ZNF839: variants seen among roughly 807,000 people sequenced by gnomAD.
The protein encoded by ZNF839 is zinc finger protein 839.
In ZNF839, 38 loss-of-function variants were observed where a neutral mutation model predicts 56.4. The ratio of observed to expected loss-of-function variants is 0.67; its 90% CI spans 0.52 to 0.88. The LOEUF (loss-of-function observed/expected upper bound fraction) is 0.88, where lower values mean the gene tolerates loss of function less well. Ranked by LOEUF, ZNF839 falls within the 40% of genes least tolerant of loss-of-function variation. The pLI, the probability that ZNF839 is intolerant of heterozygous loss-of-function variation, is 0.00. For synonymous variants in ZNF839, 486 were observed against 493.5 expected (o/e 0.98, Z 0.20); for missense variants, 1,091 against 1,177.6 (o/e 0.93, Z 1.08).
chr14:102,326,104 G>T lies in ZNF839; in HGVS notation c.408G>T (p.Gly136=), dbSNP rs758853106. The T allele has an allele frequency of 9.9e-6, 16 of 1,613,834 alleles. No individual in the cohort carries two copies. ...QTARKSQLPR[G]NSCLVGLHIA... ...CAAGAAAGAGCCAGCTGCCCCGGGG[G>T]AATTCCTGCCTGGTGGGGCTCCATA... Residue 136 remains glycine, a synonymous_variant, in exon 2 of 8, where the codon GGG becomes GGT. Coordinates refer to ENST00000442396, the MANE Select transcript of ZNF839 (RefSeq NM_018335.6). The surrounding 1 kb of genome is among the most constrained non-coding windows in gnomAD (Gnocchi z 4.3).
chr14:102,339,054 A>G (rs576050553), intron 6 of ZNF839, 40 bp from the exon 7 acceptor site: 14 of 1,613,386 alleles, frequency 8.7e-6, no homozygotes, highest in South Asian at 2.2e-5. Context: ...CGGTTTGCCT[A>G]TTCCTTCCTA....
rs1469962879 is a variant in ZNF839 at position 102,335,668 on chromosome 14, T to C, written c.1510-21T>C. ...AGTGCCTTGAGTTTAAACTTTTTTT[T>C]TGGTCTTTATCTTCACGAAGGTTGA... is the stretch of plus-strand genomic sequence containing the variant. On this transcript the variant is annotated intron_variant, in intron 4 of 7. Coordinates refer to ENST00000442396, the MANE Select transcript of ZNF839 (RefSeq NM_018335.6). 6 of 1,566,814 alleles carry C rather than the reference T, an allele frequency of 3.8e-6. No homozygotes were observed. The South Asian group carries it at 5.9e-5, about 15-fold the overall frequency.
At chr14:102,324,914 C>T (rs2073328384) in intron 1 of ZNF839, among the ~76,000 whole-genome samples, 1 of 152,076 alleles carries the variant, frequency 6.6e-6, no homozygotes, top group South Asian at 2.1e-4. Context: ...AGTGTCGCTC[C>T]ACTCCAGCCT....
chr14:102,336,677 C>G (rs1440376733), intron 5 of ZNF839: 1 of 426,412 alleles, frequency 2.3e-6, no homozygotes, highest in African/African-American at 2.1e-5. Flanking sequence ...ATGGAAAACA[C>G]CATAATCTTC....
chr14:102,338,543 A>G (rs1437861998), intron 5 of ZNF839, among the ~76,000 whole-genome samples: 1 of 148,070 alleles, frequency 6.8e-6, no homozygotes, highest in African/African-American at 2.6e-5. Flanking sequence ...GTCTCAGAAA[A>G]AAAAAAAAAA....
Position 102,331,668 on chromosome 14 carries a change from A to T in ZNF839, c.1238A>T (p.Glu413Val), listed in dbSNP as rs1420069526. 1 of 1,612,908 alleles carries T rather than the reference A, an allele frequency of 6.2e-7. No individual in the cohort carries two copies. The highest frequency in any genetic ancestry group is 1.7e-5 in the Admixed American group (1 of 59,824). Residue 413 changes from glutamate to valine, a missense_variant, in exon 3 of 8, where the codon GAA becomes GTA. Coordinates refer to ENST00000442396, the MANE Select transcript of ZNF839 (RefSeq NM_018335.6). Reference protein sequence around the residue: ...DVEETLPSEPENGALLRSERY... With the variant: ...DVEETLPSEPVNGALLRSERY... Reference sequence around the variant, plus strand: ...GAAGAGACATTGCCATCTGAACCAGAAAATGGAGCTCTTTTGCGATCAGAG... The same window carrying T: ...GAAGAGACATTGCCATCTGAACCAGTAAATGGAGCTCTTTTGCGATCAGAG...
At chr14:102,330,944 T>C (rs2073749731) in intron 2 of ZNF839, among the ~76,000 whole-genome samples, 1 of 152,160 alleles carries the variant, frequency 6.6e-6, no homozygotes, top group Non-Finnish European at 1.5e-5. Context: ...TGCAGATGCA[T>C]GGAGACAGAA....
rs139176395 is a variant in ZNF839 at position 102,324,415 on chromosome 14, C to T, written c.289-1570C>T. Among the ~76,000 whole-genome samples the T allele has an allele frequency of 3.4e-3, 515 of 152,068 alleles. 8 individuals are homozygous for T. Among genetic ancestry groups the T allele is most frequent in the East Asian group, 0.034 (174 of 5,166 alleles). On this transcript the variant is annotated intron_variant, in intron 1 of 7. Coordinates refer to ENST00000442396, the MANE Select transcript of ZNF839 (RefSeq NM_018335.6). ...AAAATTAGCCAGGTGTGGTGGCAAG[C>T]GCCTGTAATCAGGGCTACTCAGGAG...
In ZNF839 at chr14:102,326,965, AT is replaced by A. The variant is rs1302897907; in HGVS notation, c.1191+82del. ...TATAAAGAAATACCTGAGACCAGGT[AT>A]TTTATAAAGAAAAGAGGGTTGGCTC... On this transcript the variant is annotated intron_variant, in intron 2 of 7. Coordinates refer to ENST00000442396, the MANE Select transcript of ZNF839 (RefSeq NM_018335.6). This position sits in a 1 kb window ranked among gnomAD's most constrained non-coding sequence, Gnocchi z 4.3. 11 of 1,410,758 alleles carry A rather than the reference AT, an allele frequency of 7.8e-6. No individual in the cohort carries two copies. The highest frequency in any genetic ancestry group is 2.3e-4 in the Middle Eastern group (1 of 4,300). The allele number at this position is 1,410,758 out of a possible 1,614,324, so 87.4% of individuals were successfully genotyped here. A position where few individuals can be genotyped will look rare whatever the true frequency, so the allele number is the denominator to read the frequency against.
intron 1 of ZNF839, among the ~76,000 whole-genome samples, chr14:102,324,186 T>TA (rs1309456248): frequency 6.6e-6 from 1 of 152,078 alleles, no homozygotes; most frequent in African/African-American, 2.4e-5. Flanking sequence ...AAAAACTTTT[T>TA]AAAAAACATG....
chr14:102,329,074 G>A (rs556986048), intron 2 of ZNF839, among the ~76,000 whole-genome samples: 2 of 150,910 alleles, frequency 1.3e-5, no homozygotes, highest in East Asian at 4.0e-4. Context: ...GGTTCAAGTC[G>A]TTCTCCTGCC....
chr14:102,320,307 C>T (rs1419242460), intron 1 of ZNF839, among the ~76,000 whole-genome samples: 1 of 152,222 alleles, frequency 6.6e-6, no homozygotes, highest in African/African-American at 2.4e-5. Flanking sequence ...CCTTCTCTGC[C>T]TTCACAGCCC....
chr14:102,319,585 C>A, upstream of ZNF839: 1 of 829,376 alleles, frequency 1.2e-6, no homozygotes, highest in Non-Finnish European at 1.6e-6. The surrounding 1 kb of genome is among the most constrained non-coding windows in gnomAD (Gnocchi z 4.5). Context: ...GCTGATCAGC[C>A]CTAAGAGCCG....
At chr14:102,319,733 G>A (rs1276604245), upstream of ZNF839, 11 of 1,227,210 alleles carry the variant, frequency 9.0e-6, no homozygotes, top group Non-Finnish European at 1.1e-5. This position sits in a 1 kb window ranked among gnomAD's most constrained non-coding sequence, Gnocchi z 4.5. Context: ...CCGTCGCTCA[G>A]CGACCCGGGT....
chr14:102,327,115 A>C (rs1264311752), intron 2 of ZNF839, among the ~76,000 whole-genome samples: 1 of 151,914 alleles, frequency 6.6e-6, no homozygotes, highest in Non-Finnish European at 1.5e-5. Context: ...CCACAGCAGG[A>C]ACAAGGGGCA....
chr14:102,326,711 G>C lies in ZNF839; in HGVS notation c.1015G>C (p.Gly339Arg), dbSNP rs977624300. ...ARHFKLNPGH[G>R]QLDPEMVLSE... is the part of the protein sequence containing the mutation. ...ACATTTTAAACTTAACCCAGGCCAC[G>C]GCCAGTTGGACCCCGAGATGGTGCT... Residue 339 changes from glycine to arginine, a missense_variant, in exon 2 of 8, where the codon GGC (glycine) becomes CGC (arginine). Gly to Arg is a moderately radical substitution (Grantham distance 125). Coordinates refer to ENST00000442396, the MANE Select transcript of ZNF839 (RefSeq NM_018335.6). The surrounding 1 kb of genome is among the most constrained non-coding windows in gnomAD (Gnocchi z 4.3). 1 of 1,612,734 alleles carries C rather than the reference G, an allele frequency of 6.2e-7. No homozygotes were observed.
At chr14:102,340,729 T>A (rs981262329) in intron 7 of ZNF839, among the ~76,000 whole-genome samples, 2 of 152,130 alleles carry the variant, frequency 1.3e-5, no homozygotes, top group African/African-American at 4.8e-5. Context: ...TGGGTGATTC[T>A]CCAGCTCACT....
intron 1 of ZNF839, among the ~76,000 whole-genome samples, chr14:102,321,337 A>G (rs1270677018): frequency 2.0e-5 from 3 of 152,236 alleles, no homozygotes; most frequent in Non-Finnish European, 2.9e-5. Context: ...GCTTTGCCCA[A>G]GGTCCCTCAG....
intron 2 of ZNF839, among the ~76,000 whole-genome samples, chr14:102,327,829 G>A (rs991303258): frequency 1.3e-5 from 2 of 152,142 alleles, no homozygotes; most frequent in Non-Finnish European, 2.9e-5. Context: ...TCATGGGAAT[G>A]CATCCGTCAG....
Sources: gnomAD v4.1 joint callset for allele counts (sites outside exome capture counted in the v4.1 genomes callset) on GRCh38, gnomAD v4.1.1 for gene constraint, Gnocchi (gnomAD v3.1) non-coding constraint, MANE v1.5 for transcripts, NCBI Gene and HGNC (gene_info 2026-07-23, HGNC 2026-07-21) for gene names.